KCNN2: variants seen among roughly 807,000 people sequenced by gnomAD.
KCNN2 encodes potassium calcium-activated channel subfamily N member 2.
Under a neutral mutation model 55.5 loss-of-function variants are expected in KCNN2, and 24 were observed. The ratio of observed to expected loss-of-function variants is 0.43; its 90% CI spans 0.31 to 0.61. KCNN2 has a LOEUF of 0.61. KCNN2 is among the 20% of genes least tolerant of loss of function. KCNN2 has a pLI of 0.08. For synonymous variants in KCNN2, 431 were observed against 336.1 expected (o/e 1.28, Z -3.09); for missense variants, 754 against 853.6 (o/e 0.88, Z 1.45).
chr5:114,096,076 C>T (rs531130001), intron 1 of KCNN2, among the ~76,000 whole-genome samples: 1 of 152,030 alleles, frequency 6.6e-6, no homozygotes, highest in Non-Finnish European at 1.5e-5. Flanking sequence ...GATCACTGTC[C>T]AGGAGCAGTG....
chr5:114,097,284 A>C (rs985235904), intron 1 of KCNN2, among the ~76,000 whole-genome samples: 1 of 152,164 alleles, frequency 6.6e-6, no homozygotes, highest in Non-Finnish European at 1.5e-5. Flanking sequence ...GGGTCCAGTC[A>C]ATTTCATTTT....
intron 3 of KCNN2, among the ~76,000 whole-genome samples, chr5:114,441,784 A>G (rs960248061): frequency 6.6e-6 from 1 of 152,148 alleles, no homozygotes; most frequent in Non-Finnish European, 1.5e-5. Flanking sequence ...TCACTAATAT[A>G]TGTCTCTAAA....
intron 1 of KCNN2, among the ~76,000 whole-genome samples, chr5:114,139,229 G>C (rs1310054795): frequency 6.6e-6 from 1 of 151,958 alleles, no homozygotes; most frequent in African/African-American, 2.4e-5. Context: ...GAAGACATGT[G>C]GATAGTGTTT....
At position 114,300,438 on chromosome 5, in the gene KCNN2, A is replaced by G. The variant is rs144945745; in HGVS notation, c.-184-60507A>G. Among the ~76,000 whole-genome samples the G allele has an allele frequency of 4.6e-3, 698 of 152,334 alleles. 5 individuals are homozygous for G. Among genetic ancestry groups the G allele is most frequent in the Non-Finnish European group, 5.6e-3 (383 of 68,038 alleles). Reference sequence around the variant, plus strand: ...GCAATTACATTGGAGAATATTTCAAAACATTGTCTTGCTACCATAATAAAT... The same window carrying G: ...GCAATTACATTGGAGAATATTTCAAGACATTGTCTTGCTACCATAATAAAT... On this transcript the variant is annotated intron_variant, in intron 2 of 10. Coordinates refer to the KCNN2 transcript ENST00000512097.
At chr5:114,216,071 C>T (rs1421673971) in intron 1 of KCNN2, among the ~76,000 whole-genome samples, 4 of 152,094 alleles carry the variant, frequency 2.6e-5, no homozygotes, top group African/African-American at 9.7e-5. Flanking sequence ...TTTACTTCAA[C>T]TGGAATTCTC....
At chr5:114,472,812 C>A (rs1761812271) in intron 4 of KCNN2, among the ~76,000 whole-genome samples, 1 of 152,064 alleles carries the variant, frequency 6.6e-6, no homozygotes, top group African/African-American at 2.4e-5. Flanking sequence ...CCATTTATTT[C>A]TTAGAATGGA....
Position 114,323,649 on chromosome 5 carries a change from A to ATTTTTTTTTTTTTTTTTTTTTTTTTTTTT in KCNN2, c.-184-37278_-184-37277insTTTTTTTTTTTTTTTTTTTTTTTTTTTTT, listed in dbSNP as rs6149185. Among the ~76,000 whole-genome samples the ATTTTTTTTTTTTTTTTTTTTTTTTTTTTT allele has an allele frequency of 1.7e-3, 145 of 85,284 alleles. 30 individuals are homozygous for ATTTTTTTTTTTTTTTTTTTTTTTTTTTTT. The highest frequency in any genetic ancestry group is 2.3e-3 in the Non-Finnish European group (100 of 44,032). The allele number at this position is 85,284 out of a possible 152,430, so 55.9% of individuals were successfully genotyped here. On this transcript the variant is annotated intron_variant, in intron 2 of 10. Coordinates refer to the KCNN2 transcript ENST00000512097. ...TAAGTATCATGATATAAACATATCA[A>ATTTTTTTTTTTTTTTTTTTTTTTTTTTTT]TTTTTTTTTTTTTTTTTTGCTGGTC...
chr5:114,239,030 T>G (rs1031462522), intron 2 of KCNN2, among the ~76,000 whole-genome samples: 1 of 152,156 alleles, frequency 6.6e-6, no homozygotes, highest in African/African-American at 2.4e-5. Context: ...GATTTAGTTT[T>G]TATGTTGATG....
intron 2 of KCNN2, among the ~76,000 whole-genome samples, chr5:114,306,652 C>A (rs896611725): frequency 1.3e-5 from 2 of 151,448 alleles, no homozygotes; most frequent in African/African-American, 4.9e-5. Flanking sequence ...GGCAGAAGTA[C>A]CTTTACTACC....
At chr5:114,485,131 GT>G (rs1221919950) in intron 5 of KCNN2, among the ~76,000 whole-genome samples, 2 of 152,170 alleles carry the variant, frequency 1.3e-5, no homozygotes, top group South Asian at 2.1e-4. Context: ...TTGAAATCAA[GT>G]GCTATGTTCT....
intron 1 of KCNN2, among the ~76,000 whole-genome samples, chr5:114,065,848 T>G (rs1031363892): frequency 0.028 from 63 of 2,264 alleles, no homozygotes; most frequent in African/African-American, 0.046. Flanking sequence ...CTATGCAGGT[T>G]TTTTTTTTTT....
chr5:114,294,432 GCCTTCATTTCCT>G lies in KCNN2; in HGVS notation c.-184-66512_-184-66501del, dbSNP rs1392683571. ...GGTTTCAAAGAACATCTTTATTTCTGCCTTCATTTCCTTATGTACCCAGTAGTCATTCAGGAG... is the reference window on the plus strand; with the variant it reads ...GGTTTCAAAGAACATCTTTATTTCTGTATGTACCCAGTAGTCATTCAGGAG... On this transcript the variant is annotated intron_variant, in intron 2 of 10. Coordinates refer to the KCNN2 transcript ENST00000512097. Among the ~76,000 whole-genome samples the G allele has an allele frequency of 2.0e-5, 3 of 152,036 alleles. No individual in the cohort carries two copies. The East Asian group carries it at 5.8e-4, about 29-fold the overall frequency.
At chr5:114,396,477 T>C (rs554553340) in intron 2 of KCNN2, among the ~76,000 whole-genome samples, 1 of 152,260 alleles carries the variant, frequency 6.6e-6, no homozygotes, top group East Asian at 1.9e-4. Context: ...GTTATACAGA[T>C]AAATTGTGTG....
intron 1 of KCNN2, among the ~76,000 whole-genome samples, chr5:114,119,243 C>G (rs1751779358): frequency 6.6e-6 from 1 of 152,174 alleles, no homozygotes; most frequent in South Asian, 2.1e-4. Flanking sequence ...ACTGACTGTT[C>G]TCACTACCTC....
At position 114,175,015 on chromosome 5, in the gene KCNN2, C is replaced by T. The variant is rs72797664; in HGVS notation, c.-270-46465C>T. Among the ~76,000 whole-genome samples, 757 of 152,258 alleles carry T rather than the reference C, an allele frequency of 5.0e-3. 7 individuals are homozygous for T. The highest frequency in any genetic ancestry group is 0.015 in the Admixed American group (229 of 15,284). ...ATCTTTAGTCCCTCCAACACTGCATCGCTTTTAACCACTGATACTATTTAT... is the reference window on the plus strand; with the variant it reads ...ATCTTTAGTCCCTCCAACACTGCATTGCTTTTAACCACTGATACTATTTAT... On this transcript the variant is annotated intron_variant, in intron 1 of 10. Transcript: ENST00000512097.
chr5:114,265,904 G>T (rs565829174), intron 2 of KCNN2, among the ~76,000 whole-genome samples: 1 of 152,102 alleles, frequency 6.6e-6, no homozygotes, highest in African/African-American at 2.4e-5. Context: ...TATTGTATTT[G>T]CTTTGGAGAG....
chr5:114,479,513 A>T (rs1226266913), intron 5 of KCNN2, among the ~76,000 whole-genome samples: 1 of 152,218 alleles, frequency 6.6e-6, no homozygotes, highest in Non-Finnish European at 1.5e-5. Flanking sequence ...GAAAATTGTA[A>T]CAGAGATATT....
At chr5:114,069,120 C>T (rs766816982) in intron 1 of KCNN2, among the ~76,000 whole-genome samples, 1 of 152,108 alleles carries the variant, frequency 6.6e-6, no homozygotes, top group Non-Finnish European at 1.5e-5. Flanking sequence ...CTGCCAATTG[C>T]TTGCTTTTCT....
At chr5:114,143,234 T>G (rs1282411318) in intron 1 of KCNN2, among the ~76,000 whole-genome samples, 1 of 152,138 alleles carries the variant, frequency 6.6e-6, no homozygotes. Flanking sequence ...TAACAGAACA[T>G]CTGTATACAG....
Sources: gnomAD v4.1 joint callset for allele counts (sites outside exome capture counted in the v4.1 genomes callset) on GRCh38, gnomAD v4.1.1 for gene constraint, MANE v1.5 for transcripts, NCBI Gene and HGNC (gene_info 2026-07-23, HGNC 2026-07-21) for gene names.